The following CCSER1 variants were observed in gnomAD, a reference collection of about 807,000 sequenced individuals.
The protein encoded by CCSER1 is coiled-coil serine rich protein 1, also known as serine-rich coiled-coil domain-containing protein 1.
CCSER1 carries 41 observed loss-of-function variants against 82.0 expected under a neutral mutation model. The observed-to-expected ratio is 0.50, with a 90% confidence interval of 0.39 to 0.65. The LOEUF (loss-of-function observed/expected upper bound fraction) is 0.65. Among genes scored for constraint, CCSER1 ranks in the 30% least tolerant of loss-of-function variants. The pLI, the probability that CCSER1 is intolerant of heterozygous loss-of-function variation, is 0.00. For missense variants in CCSER1, 1,119 were observed against 1,064.2 expected (o/e 1.05, Z -0.72); for synonymous variants, 414 against 383.9 (o/e 1.08, Z -0.92).
chr4:90,657,123 G>A (rs1422348316), intron 6 of CCSER1, among the ~76,000 whole-genome samples: 1 of 151,496 alleles, frequency 6.6e-6, no homozygotes, highest in African/African-American at 2.4e-5. Flanking sequence ...TTTTAGTATG[G>A]GTGTGCTGAT....
chr4:91,179,568 A>G (rs1257568521), intron 10 of CCSER1, among the ~76,000 whole-genome samples: 1 of 152,158 alleles, frequency 6.6e-6, no homozygotes, highest in African/African-American at 2.4e-5. Flanking sequence ...TCGTTCATTG[A>G]TACACTTTCT....
At chr4:90,760,481 A>G (rs997294841) in intron 7 of CCSER1, among the ~76,000 whole-genome samples, 2 of 152,028 alleles carry the variant, frequency 1.3e-5, no homozygotes, top group African/African-American at 4.8e-5. Context: ...TAATATTTGA[A>G]CAAATAACAA....
At chr4:90,988,136 A>G (rs866859295) in intron 9 of CCSER1, among the ~76,000 whole-genome samples, 1 of 151,408 alleles carries the variant, frequency 6.6e-6, no homozygotes, top group African/African-American at 2.4e-5. Flanking sequence ...GGGTAACATA[A>G]TGAGACACCA....
chr4:90,475,837 C>T (rs1346641462), intron 5 of CCSER1, among the ~76,000 whole-genome samples: 2 of 152,152 alleles, frequency 1.3e-5, no homozygotes, highest in African/African-American at 2.4e-5. Context: ...ATTTGCTAGT[C>T]TCTAAAGCCA....
intron 6 of CCSER1, among the ~76,000 whole-genome samples, chr4:90,705,247 C>T (rs954814795): frequency 6.6e-6 from 1 of 152,310 alleles, no homozygotes; most frequent in Admixed American, 6.5e-5. Context: ...ACTCCAGACC[C>T]TGTTTGCCTG....
At chr4:90,155,107 C>G (rs1463273962) in intron 1 of CCSER1, among the ~76,000 whole-genome samples, 2 of 152,164 alleles carry the variant, frequency 1.3e-5, no homozygotes, top group African/African-American at 2.4e-5. Flanking sequence ...TGAATTTTGT[C>G]AAAGGCCTTT....
chr4:90,693,232 T>C (rs751771715), intron 6 of CCSER1, among the ~76,000 whole-genome samples: 1 of 151,982 alleles, frequency 6.6e-6, no homozygotes, highest in African/African-American at 2.4e-5. Flanking sequence ...TAATCTTCAC[T>C]AAAATCTCAT....
chr4:90,318,463 C>G (rs1390976156), intron 3 of CCSER1, among the ~76,000 whole-genome samples: 3 of 152,174 alleles, frequency 2.0e-5, no homozygotes, highest in Admixed American at 2.0e-4. Flanking sequence ...TGTTTTCTTT[C>G]ATTTAGCATC....
intron 3 of CCSER1, among the ~76,000 whole-genome samples, chr4:90,368,348 G>A (rs1458010442): frequency 2.0e-5 from 3 of 151,860 alleles, no homozygotes; most frequent in African/African-American, 7.2e-5. Context: ...TAAAAAAAGG[G>A]AATGCGGCTT....
rs111516592 is a variant in CCSER1, at chr4:90,548,134, G to GA, written c.1724+79790dup. ...GGGATGCTATTTGCATTATAGACCA[G>GA]AAAAAAAAAATTATAATGACTTTTA... is the stretch of plus-strand genomic sequence containing the variant. On this transcript the variant is annotated intron_variant, in intron 5 of 10. Transcript: ENST00000509176. 3.1e-4 allele frequency among the ~76,000 whole-genome samples: 46 copies of GA among 150,134 alleles called. No homozygotes were observed. The South Asian group carries it at 3.8e-3, about 12-fold the overall frequency.
chr4:91,151,877 G>A (rs1730244116), intron 10 of CCSER1, among the ~76,000 whole-genome samples: 1 of 152,184 alleles, frequency 6.6e-6, no homozygotes, highest in Admixed American at 6.5e-5. Context: ...ATTTGCTGAG[G>A]AGTGCTTCAC....
At chr4:91,154,823 C>T (rs992226802) in intron 10 of CCSER1, among the ~76,000 whole-genome samples, 8 of 151,884 alleles carry the variant, frequency 5.3e-5, no homozygotes, top group African/African-American at 1.9e-4. Context: ...ATATCAGGCG[C>T]AGTTTTAAGT....
chr4:91,575,858 T>G (rs1763428318), intron 10 of CCSER1, among the ~76,000 whole-genome samples: 1 of 151,892 alleles, frequency 6.6e-6, no homozygotes, highest in South Asian at 2.1e-4. Context: ...TAAAAAGGGT[T>G]GGAAGGGGTG....
intron 3 of CCSER1, among the ~76,000 whole-genome samples, chr4:90,321,454 C>A (rs1197768438): frequency 6.6e-6 from 1 of 152,084 alleles, no homozygotes; most frequent in Admixed American, 6.5e-5. Flanking sequence ...TTTCTTTATC[C>A]TTTTGCTTGC....
intron 1 of CCSER1, among the ~76,000 whole-genome samples, chr4:90,273,556 T>C (rs1356223616): frequency 6.6e-6 from 1 of 152,192 alleles, no homozygotes; most frequent in African/African-American, 2.4e-5. Flanking sequence ...AGAGACTTTA[T>C]TTTGTGGATG....
intron 10 of CCSER1, among the ~76,000 whole-genome samples, chr4:91,120,419 T>A (rs1726986180): frequency 6.6e-6 from 1 of 151,944 alleles, no homozygotes; most frequent in Non-Finnish European, 1.5e-5. Flanking sequence ...AAGGATGATT[T>A]TCCACCTCTT....
intron 3 of CCSER1, among the ~76,000 whole-genome samples, chr4:90,318,048 G>C (rs1736486073): frequency 6.6e-6 from 1 of 152,018 alleles, no homozygotes; most frequent in South Asian, 2.1e-4. Flanking sequence ...TTAATTAATC[G>C]AGATTTACTG....
chr4:90,818,062 A>T (rs1239800163), intron 8 of CCSER1, among the ~76,000 whole-genome samples: 1 of 152,078 alleles, frequency 6.6e-6, no homozygotes. Flanking sequence ...GACCACTGTT[A>T]TTATCACAAG....
chr4:90,427,972 T>G (rs763612912), intron 4 of CCSER1, among the ~76,000 whole-genome samples: 1 of 151,852 alleles, frequency 6.6e-6, no homozygotes, highest in Non-Finnish European at 1.5e-5. Flanking sequence ...GATCTTTTAT[T>G]ATTGATGGGT....
Sources: allele counts gnomAD v4.1 joint callset (sites outside exome capture counted in the v4.1 genomes callset), GRCh38; gene constraint gnomAD v4.1.1; transcripts MANE v1.5; gene names NCBI Gene and HGNC (gene_info 2026-07-23, HGNC 2026-07-21).